PPIL4: variants seen among roughly 807,000 people sequenced by gnomAD.
PPIL4 encodes peptidyl-prolyl cis-trans isomerase-like 4.
In PPIL4, 50 loss-of-function variants were observed where a neutral mutation model predicts 69.1. The observed-to-expected ratio is 0.72, with a 90% CI of 0.58 to 0.92. PPIL4 has a LOEUF of 0.92. Ranked by LOEUF, PPIL4 falls within the 40% of genes least tolerant of loss-of-function variation. The pLI, the probability that PPIL4 is intolerant of heterozygous loss-of-function variation, is 0.00. For missense variants in PPIL4, 480 were observed against 587.9 expected (o/e 0.82, Z 1.90); for synonymous variants, 193 against 191.6 (o/e 1.01, Z -0.06).
chr6:149,517,249 A>C (rs1023194366), intron 11 of PPIL4, 105 bp downstream of exon 11: 13 of 659,668 alleles, frequency 2.0e-5, no homozygotes, highest in East Asian at 5.8e-5. Context: ...GATTCAGGAA[A>C]TTTGTCTTCT....
chr6:149,529,486 G>A (rs1246057937), intron 7 of PPIL4, among the ~76,000 whole-genome samples: 7 of 151,670 alleles, frequency 4.6e-5, no homozygotes, highest in South Asian at 2.1e-4. Flanking sequence ...AAAAAGGGCC[G>A]GGCAGGGTGA....
chr6:149,542,232 A>T (rs777326939), intron 1 of PPIL4, among the ~76,000 whole-genome samples: 83 of 152,328 alleles, frequency 5.4e-4, no homozygotes, highest in Non-Finnish European at 8.5e-4. Flanking sequence ...AGCAGAATAT[A>T]TAAAAATGGA....
intron 11 of PPIL4, among the ~76,000 whole-genome samples, chr6:149,514,280 C>T (rs184882802): frequency 1.4e-3 from 212 of 152,308 alleles, no homozygotes; most frequent in African/African-American, 4.8e-3. Context: ...TAGCTCCCAC[C>T]TATGATTTCA....
intron 11 of PPIL4, among the ~76,000 whole-genome samples, chr6:149,515,170 G>A (rs1203648839): frequency 2.9e-5 from 4 of 137,836 alleles, no homozygotes. Context: ...AAAAAAAAAT[G>A]GAGACCGGGT....
At chr6:149,544,373 A>C (rs1231223841) in intron 1 of PPIL4, among the ~76,000 whole-genome samples, 2 of 152,228 alleles carry the variant, frequency 1.3e-5, no homozygotes, top group Non-Finnish European at 2.9e-5. Flanking sequence ...TAACTAATAC[A>C]ACACATTTAT....
intron 5 of PPIL4, 44 bp downstream of exon 5, chr6:149,535,552 A>G (rs1326178491): frequency 6.5e-7 from 1 of 1,531,140 alleles, no homozygotes; most frequent in African/African-American, 1.4e-5. Context: ...ACATCTCAAT[A>G]TTAAAACATT....
At chr6:149,537,727 C>T (rs1777299735) in intron 4 of PPIL4, among the ~76,000 whole-genome samples, 2 of 151,618 alleles carry the variant, frequency 1.3e-5, no homozygotes, top group Non-Finnish European at 1.5e-5. Context: ...AAGAATGATG[C>T]TAAATCTATT....
intron 9 of PPIL4, among the ~76,000 whole-genome samples, chr6:149,522,051 T>C (rs1777037615): frequency 6.6e-6 from 1 of 152,220 alleles, no homozygotes; most frequent in South Asian, 2.1e-4. Flanking sequence ...AATTATAAAA[T>C]CCATGAAGAT....
chr6:149,533,135 G>T (rs1777223701), intron 7 of PPIL4, among the ~76,000 whole-genome samples: 1 of 152,110 alleles, frequency 6.6e-6, no homozygotes, highest in South Asian at 2.1e-4. Flanking sequence ...GTACAGTGAA[G>T]AACTATTCTT....
chr6:149,541,244 T>C (rs1258797962), intron 3 of PPIL4, 123 bp downstream of exon 3: 6 of 523,034 alleles, frequency 1.1e-5, no homozygotes, highest in Non-Finnish European at 1.5e-5. Context: ...AAAATGCAGA[T>C]TGAAGCATGA....
chr6:149,505,409 A>G lies in PPIL4; in HGVS notation c.*44T>C, dbSNP rs1451549197. 30 of 1,562,318 alleles carry G rather than the reference A, an allele frequency of 1.9e-5. No individual in the cohort carries two copies. The highest frequency in any genetic ancestry group is 2.6e-5 in the Non-Finnish European group (30 of 1,153,758). The stretch of plus-strand genomic sequence containing the variant: ...TGCTTTCCTGGCACTCTTAAGTTAG[A>G]CAAGAGTAAATATGTTAGCCTCTCA... On this transcript the variant is annotated 3_prime_UTR_variant, in exon 13 of 13. Coordinates refer to ENST00000253329, the MANE Select transcript of PPIL4 (RefSeq NM_139126.4).
intron 1 of PPIL4, among the ~76,000 whole-genome samples, chr6:149,543,032 T>G (rs569728121): frequency 6.6e-6 from 1 of 152,158 alleles, no homozygotes; most frequent in Admixed American, 6.6e-5. Flanking sequence ...ACAAAAATAA[T>G]GAATTTAGGC....
At chr6:149,530,040 GA>G (rs1253643273) in intron 7 of PPIL4, among the ~76,000 whole-genome samples, 4 of 152,112 alleles carry the variant, frequency 2.6e-5, no homozygotes, top group Non-Finnish European at 5.9e-5. Flanking sequence ...TTTAGACAGT[GA>G]AACTACCTTG....
chr6:149,522,833 G>C (rs1777051516), intron 9 of PPIL4, among the ~76,000 whole-genome samples: 1 of 152,070 alleles, frequency 6.6e-6, no homozygotes, highest in Non-Finnish European at 1.5e-5. Flanking sequence ...GGATGGTCTC[G>C]ATCTCTTGAC....
intron 7 of PPIL4, among the ~76,000 whole-genome samples, chr6:149,527,222 G>C (rs1777121237): frequency 6.6e-6 from 1 of 152,208 alleles, no homozygotes; most frequent in Non-Finnish European, 1.5e-5. Context: ...AACGGGCATG[G>C]TGGTGTGCAC....
At chr6:149,526,543 A>C in intron 8 of PPIL4, 109 bp downstream of exon 8, 1 of 981,430 alleles carries the variant, frequency 1.0e-6, no homozygotes, top group Non-Finnish European at 1.5e-6. Context: ...AAAATTCACC[A>C]GTACAAAATT....
In PPIL4 at chr6:149,534,666, G is replaced by A; in HGVS notation, c.561+12C>T. 1.6e-6 allele frequency: 2 copies of A among 1,287,052 alleles called. No individual in the cohort carries two copies. The highest frequency in any genetic ancestry group is 2.2e-6 in the Non-Finnish European group (2 of 900,580). The allele number at this position is 1,287,052 out of a possible 1,614,324, so 79.7% of individuals were successfully genotyped here. A position where few individuals can be genotyped will look rare whatever the true frequency, so the allele number is the denominator to read the frequency against. On this transcript the variant is annotated intron_variant, in intron 6 of 12. Coordinates refer to ENST00000253329, the MANE Select transcript of PPIL4 (RefSeq NM_139126.4). ...ATGAATGTACATTTAATCATAAGAG[G>A]GCTTTACTTACATCTAATTGTTCCC...
chr6:149,508,592 T>A (rs1776798553), intron 12 of PPIL4, among the ~76,000 whole-genome samples: 1 of 152,158 alleles, frequency 6.6e-6, no homozygotes, highest in South Asian at 2.1e-4. Context: ...GTCACCAAGA[T>A]AACATTAAAT....
In PPIL4 at chr6:149,505,502, C is replaced by T. The variant is rs762803135; in HGVS notation, c.1430G>A (p.Ser477Asn). ...ERERSKKRDR[S>N]RSPKKSKDKE... is the part of the protein sequence containing the mutation. ...ATCTTTGGACTTCTTTGGACTTCTG[C>T]TTCGGTCTCTCTTTTTACTCCTTTC... The change falls in exon 13 of 13, where the codon AGC (serine) becomes AAC (asparagine). Residue 477 changes from serine (S) to asparagine (N), a missense_variant. By Grantham distance (46) the Ser-to-Asn change is conservative. Coordinates refer to ENST00000253329, the MANE Select transcript of PPIL4 (RefSeq NM_139126.4). The T allele has an allele frequency of 6.2e-7, 1 of 1,613,952 alleles. No homozygotes were observed. Among genetic ancestry groups the T allele is most frequent in the South Asian group, 1.1e-5 (1 of 91,064 alleles).
Sources: allele counts gnomAD v4.1 joint callset (sites outside exome capture counted in the v4.1 genomes callset), GRCh38; gene constraint gnomAD v4.1.1; transcripts MANE v1.5; gene names NCBI Gene and HGNC (gene_info 2026-07-23, HGNC 2026-07-21).